PJA2: variants seen among roughly 807,000 people sequenced by gnomAD.
The protein encoded by PJA2 is E3 ubiquitin-protein ligase Praja-2.
PJA2 carries 25 observed loss-of-function variants against 69.3 expected under a neutral mutation model. The ratio of observed to expected loss-of-function variants is 0.36; its 90% CI spans 0.26 to 0.50. The LOEUF (loss-of-function observed/expected upper bound fraction) is 0.50, where lower values mean the gene tolerates loss of function less well. Among genes scored for constraint, PJA2 ranks in the 20% least tolerant of loss-of-function variants. The pLI, the probability that PJA2 is intolerant of heterozygous loss-of-function variation, is 0.96. For synonymous variants in PJA2, 308 were observed against 277.8 expected (o/e 1.11, Z -1.08); for missense variants, 809 against 830.2 (o/e 0.97, Z 0.31).
rs145807622 is a variant in PJA2, at chr5:109,363,014, G to C, written c.1478C>G (p.Thr493Arg). Residue 493 changes from threonine (T) to arginine (R), a missense_variant, in exon 6 of 10, where the codon ACA (threonine) becomes AGA (arginine). By Grantham distance (71) the Thr-to-Arg change is moderately conservative. This residue lies in a region of PJA2 where 700 missense variants were observed against 639.5 expected (regional missense o/e 1.09). Transcript: ENST00000361189. Reference sequence around the variant, plus strand: ...AGGAATTTCTCCCTCTTCCAAGGATGTCTGTTCCCTAGTACAAACATTTTA... The same window carrying C: ...AGGAATTTCTCCCTCTTCCAAGGATCTCTGTTCCCTAGTACAAACATTTTA... ...QELSLQEGEQ[T>R]SLEEGEIPWL... is the part of the protein sequence containing the mutation. 4 of 1,593,168 alleles carry C rather than the reference G, an allele frequency of 2.5e-6. No homozygotes were observed. The highest frequency in any genetic ancestry group is 3.4e-6 in the Non-Finnish European group (4 of 1,165,068).
chr5:109,356,043 A>G lies in PJA2; in HGVS notation c.1653-17T>C, dbSNP rs760998866. ...TCAAATAGGCTGAAAAAAAAAAAAA[A>G]TAACAGAAAAAACTCACCACTATGA... On this transcript the variant is annotated splice_polypyrimidine_tract_variant and intron_variant, in intron 6 of 9. Transcript: ENST00000361189. The G allele has an allele frequency of 7.2e-6, 11 of 1,530,344 alleles. No individual in the cohort carries two copies. Among genetic ancestry groups the G allele is most frequent in the African/African-American group, 5.7e-5 (4 of 70,246 alleles). The allele number at this position is 1,530,344 out of a possible 1,614,324, so 94.8% of individuals were successfully genotyped here. A position where few individuals can be genotyped will look rare whatever the true frequency, so the allele number is the denominator to read the frequency against.
chr5:109,337,490 C>T, intron 9 of PJA2, 134 bp from the exon 10 acceptor site: 1 of 969,680 alleles, frequency 1.0e-6, no homozygotes, highest in Non-Finnish European at 1.5e-6. Context: ...CAAATCCACA[C>T]AATGCAGAAA....
chr5:109,361,803 G>A (rs78321865), intron 6 of PJA2, among the ~76,000 whole-genome samples: 4,641 of 152,324 alleles, frequency 0.03, 93 homozygotes, highest in Middle Eastern at 0.048. Flanking sequence ...GGTGATAAAA[G>A]TCTGTTCTCC....
intron 1 of PJA2, among the ~76,000 whole-genome samples, chr5:109,389,010 A>G (rs763618840): frequency 6.6e-6 from 1 of 152,186 alleles, no homozygotes; most frequent in Non-Finnish European, 1.5e-5. Flanking sequence ...GCTATTTTAC[A>G]TTCCCCAAAC....
chr5:109,345,242 G>A (rs1762153997), intron 7 of PJA2, among the ~76,000 whole-genome samples: 1 of 149,698 alleles, frequency 6.7e-6, no homozygotes, highest in African/African-American at 2.5e-5. Context: ...TGTAATCCCA[G>A]CTACTTGGGA....
Position 109,335,676 on chromosome 5 carries a change from T to C in PJA2, c.*1555A>G, listed in dbSNP as rs1761926860. The C allele has an allele frequency of 1.3e-5, 2 of 152,320 alleles. No homozygotes were observed. Among genetic ancestry groups the C allele is most frequent in the South Asian group, 2.1e-4 (1 of 4,832 alleles). 9.4% of individuals were successfully genotyped at this position (152,320 alleles called of 1,614,324 possible). A position where few individuals can be genotyped will look rare whatever the true frequency, so the allele number is the denominator to read the frequency against. On this transcript the variant is annotated 3_prime_UTR_variant, in exon 10 of 10. Coordinates refer to ENST00000361189, the MANE Select transcript of PJA2 (RefSeq NM_014819.5). Reference sequence around the variant, plus strand: ...CTAACTGATCATTAATGAAATATGATATGGAAAGATCACAGAGTAGAAAAC... The same window carrying C: ...CTAACTGATCATTAATGAAATATGACATGGAAAGATCACAGAGTAGAAAAC...
intron 3 of PJA2, 69 bp from the exon 4 acceptor site, chr5:109,379,323 C>T (rs1746984658): frequency 9.0e-7 from 1 of 1,115,610 alleles, no homozygotes; most frequent in South Asian, 1.6e-5. Flanking sequence ...TAATAACTAT[C>T]ACTTAAGTGG....
rs767732158 is a variant in PJA2 at position 109,378,352 on chromosome 5, G to A, written c.1135C>T (p.Pro379Ser). 1 of 1,614,040 alleles carries A rather than the reference G, an allele frequency of 6.2e-7. No homozygotes were observed. The highest frequency in any genetic ancestry group is 1.1e-5 in the South Asian group (1 of 91,076). The change falls in exon 4 of 10, where the codon CCA becomes TCA. Residue 379 changes from proline to serine, a missense_variant. Coordinates refer to ENST00000361189, the MANE Select transcript of PJA2 (RefSeq NM_014819.5). ...CTTTGTGTAATAACTCTTGAGTATG[G>A]TGGATCCAAGAACATACAGTCATGC... ...GEHDCMFLDP[P>S]YSRVITQRET...
At chr5:109,354,061 A>T (rs568626246) in intron 7 of PJA2, among the ~76,000 whole-genome samples, 8 of 131,830 alleles carry the variant, frequency 6.1e-5, no homozygotes, top group African/African-American at 1.6e-4. Context: ...TATCTATGAT[A>T]TCTAGAGATA....
chr5:109,396,589 G>A (rs902256969), intron 1 of PJA2, among the ~76,000 whole-genome samples: 20 of 151,086 alleles, frequency 1.3e-4, no homozygotes, highest in Admixed American at 5.9e-4. Context: ...ACCACGTCCC[G>A]CTAAATTTTG....
At chr5:109,386,875 G>C (rs1007032801) in intron 1 of PJA2, among the ~76,000 whole-genome samples, 1 of 278 alleles carries the variant, frequency 3.6e-3, no homozygotes, top group Admixed American at 0.042. Flanking sequence ...GGAATATTTA[G>C]GGTCTATCTA....
At chr5:109,344,152 T>G (rs1426730988) in intron 9 of PJA2, 38 bp downstream of exon 9, 1 of 1,318,184 alleles carries the variant, frequency 7.6e-7, no homozygotes. Context: ...AAGACACTAT[T>G]AAAGTATTTT....
At chr5:109,356,249 C>A (rs778870271) in intron 6 of PJA2, among the ~76,000 whole-genome samples, 3 of 152,128 alleles carry the variant, frequency 2.0e-5, no homozygotes, top group Admixed American at 1.3e-4. Flanking sequence ...CCTCATCCAA[C>A]AGGCTGCCAA....
At chr5:109,373,647 G>C (rs533177484) in intron 4 of PJA2, among the ~76,000 whole-genome samples, 1 of 152,246 alleles carries the variant, frequency 6.6e-6, no homozygotes, top group East Asian at 1.9e-4. Context: ...TTAAAAGCGG[G>C]TGAATGACAC....
At chr5:109,400,963 A>G (rs1436072461) in intron 1 of PJA2, among the ~76,000 whole-genome samples, 3 of 152,014 alleles carry the variant, frequency 2.0e-5, no homozygotes, top group African/African-American at 7.3e-5. Flanking sequence ...AGCCTGGGAG[A>G]CAAAGCAAGA....
At chr5:109,363,750 A>C (rs1762535403) in intron 5 of PJA2, among the ~76,000 whole-genome samples, 1 of 152,120 alleles carries the variant, frequency 6.6e-6, no homozygotes, top group South Asian at 2.1e-4. Flanking sequence ...CTGTCAGTCT[A>C]CTCCTACTAG....
chr5:109,354,478 TAG>T (rs72243851), intron 7 of PJA2, among the ~76,000 whole-genome samples: 24,205 of 68,692 alleles, frequency 0.35, 7,879 homozygotes, highest in Middle Eastern at 0.5. Flanking sequence ...GAGATATCTA[TAG>T]ATTAGATATC....
At chr5:109,381,930 T>A (rs558723093) in intron 2 of PJA2, among the ~76,000 whole-genome samples, 8 of 152,292 alleles carry the variant, frequency 5.3e-5, no homozygotes, top group Admixed American at 6.5e-5. Context: ...TCAAAAAATA[T>A]GTTTTAAAAT....
intron 1 of PJA2, among the ~76,000 whole-genome samples, chr5:109,398,563 A>G (rs1747468408): frequency 6.9e-6 from 1 of 144,492 alleles, no homozygotes; most frequent in South Asian, 2.3e-4. Flanking sequence ...GTTGTCACTC[A>G]TAGGTGGGAA....
Sources: gnomAD v4.1 joint callset for allele counts (sites outside exome capture counted in the v4.1 genomes callset) on GRCh38, gnomAD v4.1.1 for gene constraint, gnomAD v4.1.1 regional missense constraint, MANE v1.5 for transcripts, NCBI Gene and HGNC (gene_info 2026-07-23, HGNC 2026-07-21) for gene names.